LYPD1: variants seen among roughly 807,000 people sequenced by gnomAD.
LYPD1 encodes the protein ly6/PLAUR domain-containing protein 1.
LYPD1 carries 14 observed loss-of-function variants against 14.2 expected under a neutral mutation model. The observed-to-expected ratio is 0.99, with a 90% CI of 0.65 to 1.54. LYPD1 has a LOEUF of 1.54. Among genes scored for constraint, LYPD1 ranks in the 40% most tolerant of loss-of-function variants. The probability of loss-of-function intolerance (pLI) is 0.00; values close to 1 mark genes in which losing one functional copy is unlikely to be tolerated. For missense variants in LYPD1, 165 were observed against 175.7 expected, an observed-to-expected ratio of 0.94 and a Z score of 0.34; for synonymous variants, 85 against 70.6, an observed-to-expected ratio of 1.20 and a Z score of -1.02.
intron 2 of LYPD1, among the ~76,000 whole-genome samples, chr2:132,648,865 T>A (rs1332496662): frequency 6.6e-6 from 1 of 151,778 alleles, no homozygotes; most frequent in African/African-American, 2.4e-5. Context: ...CAGATAGGTG[T>A]GTCCATTGCC....
intron 2 of LYPD1, among the ~76,000 whole-genome samples, chr2:132,659,921 C>A (rs1682832720): frequency 6.6e-6 from 1 of 152,222 alleles, no homozygotes; most frequent in African/African-American, 2.4e-5. Context: ...AGTGCATAAA[C>A]CCCCTTGCCC....
rs143160922 is a variant in LYPD1, at chr2:132,645,145, A to C, written c.*900T>G. 63 of 1,614,152 alleles carry C rather than the reference A, an allele frequency of 3.9e-5. No homozygotes were observed. The African/African-American group carries it at 7.6e-4, about 19-fold the overall frequency. ...GGCCGTATGCTGGATGCCCAACCAG[A>C]TTCGGAGGATCATGGCTGCGGCCAA... On this transcript the variant is annotated 3_prime_UTR_variant, in exon 3 of 3. Coordinates refer to ENST00000397463, the MANE Select transcript of LYPD1 (RefSeq NM_144586.7).
intron 2 of LYPD1, among the ~76,000 whole-genome samples, chr2:132,659,383 C>T (rs1487368422): frequency 6.6e-6 from 1 of 151,988 alleles, no homozygotes; most frequent in African/African-American, 2.4e-5. Flanking sequence ...AGAGAGTGTG[C>T]GTGAGAGAGA....
chr2:132,660,771 T>C (rs1682880998), intron 2 of LYPD1, among the ~76,000 whole-genome samples: 1 of 152,190 alleles, frequency 6.6e-6, no homozygotes, highest in Admixed American at 6.5e-5. Flanking sequence ...AGAAAAGATA[T>C]GTCTCATGGT....
At chr2:132,646,533 T>G (rs772528484) in intron 2 of LYPD1, 5 of 376,174 alleles carry the variant, frequency 1.3e-5, no homozygotes, top group Admixed American at 4.5e-5. Flanking sequence ...TGAATACCTG[T>G]TAATAAAGAG....
At position 132,645,802 on chromosome 2, in the gene LYPD1, A is replaced by G. The variant is rs768010769; in HGVS notation, c.*243T>C. The G allele has an allele frequency of 6.5e-6, 5 of 763,718 alleles. No homozygotes were observed. The East Asian group carries it at 1.1e-4, about 17-fold the overall frequency. 47.3% of individuals were successfully genotyped at this position (763,718 alleles called of 1,614,324 possible). A position where few individuals can be genotyped will look rare whatever the true frequency, so the allele number is the denominator to read the frequency against. Reference sequence around the variant, plus strand: ...TGGCCTTGACTCCGGTTACACAGACATGGGGGTGAACTTTCACTCCACCTC... The same window carrying G: ...TGGCCTTGACTCCGGTTACACAGACGTGGGGGTGAACTTTCACTCCACCTC... On this transcript the variant is annotated 3_prime_UTR_variant, in exon 3 of 3. Transcript: ENST00000397463.
At position 132,643,422 on chromosome 2, in the gene LYPD1, G is replaced by C. The variant is rs1175152326; in HGVS notation, c.*2623C>G. Among the ~76,000 whole-genome samples, 1 of 152,146 alleles carries C rather than the reference G, an allele frequency of 6.6e-6. No homozygotes were observed. Among genetic ancestry groups the C allele is most frequent in the Non-Finnish European group, 1.5e-5 (1 of 68,020 alleles). On this transcript the variant is annotated 3_prime_UTR_variant, in exon 3 of 3. Transcript: ENST00000397463. ...TTGTGGAGGATTTGAACACAGCTAGGGTCCCCTCCAACAGCAGGCAAGGAA... is the reference window on the plus strand; with the variant it reads ...TTGTGGAGGATTTGAACACAGCTAGCGTCCCCTCCAACAGCAGGCAAGGAA...
chr2:132,647,114 CCTGT>C (rs371976994), intron 2 of LYPD1, among the ~76,000 whole-genome samples: 4 of 152,094 alleles, frequency 2.6e-5, no homozygotes, highest in Admixed American at 6.5e-5. Flanking sequence ...TAAGGGCTTC[CCTGT>C]CTGTCTCCCA....
intron 2 of LYPD1, chr2:132,662,956 C>T (rs867916058): frequency 2.0e-5 from 3 of 152,196 alleles, no homozygotes; most frequent in Admixed American, 1.3e-4. Flanking sequence ...ATACTTCACT[C>T]ACTGGGAGAG....
In LYPD1 at chr2:132,643,848, G is replaced by A. The variant is rs2104882408; in HGVS notation, c.*2197C>T. Among the ~76,000 whole-genome samples the A allele has an allele frequency of 6.6e-6, 1 of 152,228 alleles. No individual in the cohort carries two copies. The highest frequency in any genetic ancestry group is 2.1e-4 in the South Asian group (1 of 4,822). On this transcript the variant is annotated 3_prime_UTR_variant, in exon 3 of 3. Transcript: ENST00000397463. ...ATTTATTAATAGAATATTTACCATGGGTCATAGGCAGGAAGCATTCATTGC... is the reference window on the plus strand; with the variant it reads ...ATTTATTAATAGAATATTTACCATGAGTCATAGGCAGGAAGCATTCATTGC...
At position 132,645,520 on chromosome 2, in the gene LYPD1, T is replaced by C. The variant is rs1267801132; in HGVS notation, c.*525A>G. 2 of 1,614,178 alleles carry C rather than the reference T, an allele frequency of 1.2e-6. No homozygotes were observed. The highest frequency in any genetic ancestry group is 1.7e-6 in the Non-Finnish European group (2 of 1,180,016). On this transcript the variant is annotated 3_prime_UTR_variant, in exon 3 of 3. Transcript: ENST00000397463. ...CGAGCCCCAGTCTAAGTCCCAGTCA[T>C]TGAGTCTCGAGTCACTAGAGCCCAA...
chr2:132,663,561 C>T (rs140130501), intron 2 of LYPD1, among the ~76,000 whole-genome samples: 10 of 152,328 alleles, frequency 6.6e-5, no homozygotes, highest in Middle Eastern at 3.4e-3. Flanking sequence ...CAGGCATGAG[C>T]CGCCGTGCCC....
rs1682033687 is a variant in LYPD1 at position 132,645,747 on chromosome 2, A to G, written c.*298T>C. The stretch of plus-strand genomic sequence containing the variant: ...TTTACAAAAGGCAGATGCCCACCTC[A>G]GTGACTTCTAAGGACTGACTCTGCC... On this transcript the variant is annotated 3_prime_UTR_variant, in exon 3 of 3. Transcript: ENST00000397463. 8.3e-7 allele frequency: 1 copy of G among 1,202,598 alleles called. No individual in the cohort carries two copies. The highest frequency in any genetic ancestry group is 1.6e-5 in the South Asian group (1 of 63,574). The allele number at this position is 1,202,598 out of a possible 1,614,324, so 74.5% of individuals were successfully genotyped here. A position where few individuals can be genotyped will look rare whatever the true frequency, so the allele number is the denominator to read the frequency against.
At position 132,645,560 on chromosome 2, in the gene LYPD1, C is replaced by T. The variant is rs1682020511; in HGVS notation, c.*485G>A. On this transcript the variant is annotated 3_prime_UTR_variant, in exon 3 of 3. Coordinates refer to ENST00000397463, the MANE Select transcript of LYPD1 (RefSeq NM_144586.7). ...CTAGAGCCCAACTCAGGCGCGAAAC[C>T]AGCCAATTCTGCTGCAGAGAATGGT... 1.2e-6 allele frequency: 2 copies of T among 1,614,102 alleles called. No individual in the cohort carries two copies. The highest frequency in any genetic ancestry group is 1.3e-5 in the African/African-American group (1 of 75,044).
Position 132,669,755 on chromosome 2 carries a change from C to T in LYPD1, c.52+126G>A. ...CGCCCCGGGGCACCAGTCGCGGCCG[C>T]CAACTCCCGCTGGGCAGCCCCAGCG... is the stretch of plus-strand genomic sequence containing the variant. On this transcript the variant is annotated intron_variant, in intron 1 of 2. Coordinates refer to ENST00000397463, the MANE Select transcript of LYPD1 (RefSeq NM_144586.7). This position sits in a 1 kb window ranked among gnomAD's most constrained non-coding sequence, Gnocchi z 4.3. 6.8e-7 allele frequency: 1 copy of T among 1,468,442 alleles called. No homozygotes were observed. The allele number at this position is 1,468,442 out of a possible 1,614,324, so 91.0% of individuals were successfully genotyped here.
In LYPD1 at chr2:132,649,039, G is replaced by A. The variant is rs554497218; in HGVS notation, c.191-2759C>T. Reference sequence around the variant, plus strand: ...GATGTGATTAAAGATGTTTCCAACCGGATGAAAGGAAATGTGGACCTAGGC... The same window carrying A: ...GATGTGATTAAAGATGTTTCCAACCAGATGAAAGGAAATGTGGACCTAGGC... On this transcript the variant is annotated intron_variant, in intron 2 of 2. Coordinates refer to ENST00000397463, the MANE Select transcript of LYPD1 (RefSeq NM_144586.7). Among the ~76,000 whole-genome samples, 26 of 152,250 alleles carry A rather than the reference G, an allele frequency of 1.7e-4. No individual in the cohort carries two copies. In the East Asian group the frequency reaches 3.5e-3, roughly 20 times the overall value.
At position 132,669,900 on chromosome 2, in the gene LYPD1, G is replaced by A. The variant is rs372984166; in HGVS notation, c.33C>T (p.Cys11=). Residue 11 remains cysteine (C), a synonymous_variant, in exon 1 of 3, where the codon TGC becomes TGT. Coordinates refer to ENST00000397463, the MANE Select transcript of LYPD1 (RefSeq NM_144586.7). This position sits in a 1 kb window ranked among gnomAD's most constrained non-coding sequence, Gnocchi z 4.3. MWVLGIAATF[C]GLFLLPGFAL... is the part of the protein sequence containing the mutation. Reference sequence around the variant, plus strand: ...TCTCACCTGGAAGCAAGAACAATCCGCAAAAAGTTGCCGCGATGCCTAGGA... The same window carrying A: ...TCTCACCTGGAAGCAAGAACAATCCACAAAAAGTTGCCGCGATGCCTAGGA... 9 of 1,612,802 alleles carry A rather than the reference G, an allele frequency of 5.6e-6. No individual in the cohort carries two copies. Among genetic ancestry groups the A allele is most frequent in the African/African-American group, 4.0e-5 (3 of 74,878 alleles).
rs544110541 is a variant in LYPD1 at position 132,669,061 on chromosome 2, C to G, written c.53-524G>C. Reference sequence around the variant, plus strand: ...TCCCTGAGCGACCACCTGGGAACAACTTGGGTGGAGGTGCCAGACGCCAAG... The same window carrying G: ...TCCCTGAGCGACCACCTGGGAACAAGTTGGGTGGAGGTGCCAGACGCCAAG... On this transcript the variant is annotated intron_variant, in intron 1 of 2. Coordinates refer to ENST00000397463, the MANE Select transcript of LYPD1 (RefSeq NM_144586.7). This position sits in a 1 kb window ranked among gnomAD's most constrained non-coding sequence, Gnocchi z 4.3. Among the ~76,000 whole-genome samples, 1 of 152,364 alleles carries G rather than the reference C, an allele frequency of 6.6e-6. No individual in the cohort carries two copies. Among genetic ancestry groups the G allele is most frequent in the South Asian group, 2.1e-4 (1 of 4,828 alleles).
chr2:132,652,867 T>C (rs9973717), intron 2 of LYPD1, among the ~76,000 whole-genome samples: 71,617 of 152,060 alleles, frequency 0.47, 17,217 homozygotes, highest in South Asian at 0.57. Context: ...GGAAGTCATT[T>C]GTATTAATCT....
Sources: gnomAD v4.1 joint callset for allele counts (sites outside exome capture counted in the v4.1 genomes callset) on GRCh38, gnomAD v4.1.1 for gene constraint, Gnocchi (gnomAD v3.1) non-coding constraint, MANE v1.5 for transcripts, NCBI Gene and HGNC (gene_info 2026-07-23, HGNC 2026-07-21) for gene names.